The following SPG7 variants were observed in gnomAD, a reference collection of about 807,000 sequenced individuals.
The protein encoded by SPG7 is SPG7 matrix AAA peptidase subunit, paraplegin.
In SPG7, 103 loss-of-function variants were observed where a neutral mutation model predicts 81.9. That is an observed-to-expected ratio of 1.26 (90% CI 1.07 to 1.48). The LOEUF (loss-of-function observed/expected upper bound fraction) is 1.48, where lower values mean the gene tolerates loss of function less well. SPG7 is among the 40% of genes most tolerant of loss of function. The pLI, the probability that SPG7 is intolerant of heterozygous loss-of-function variation, is 0.00. For synonymous variants in SPG7, 534 were observed against 444.2 expected (o/e 1.20, Z -2.54); for missense variants, 1,241 against 1,087.3 (o/e 1.14, Z -1.99).
intron 10 of SPG7, chr16:89,545,222 G>A (rs887259098): frequency 3.9e-5 from 12 of 308,836 alleles, no homozygotes; most frequent in Non-Finnish European, 7.6e-5. Flanking sequence ...CCCTGAAATT[G>A]GGGTGGGAGT....
chr16:89,529,208 G>A (rs1163724567), intron 5 of SPG7: 1 of 524,758 alleles, frequency 1.9e-6, no homozygotes, highest in African/African-American at 1.9e-5. Flanking sequence ...AGAAAAACCT[G>A]AACGTTGTTA....
chr16:89,546,808 G>A, intron 11 of SPG7, 48 bp downstream of exon 11: 1 of 1,313,182 alleles, frequency 7.6e-7, no homozygotes, highest in Non-Finnish European at 1.1e-6. Flanking sequence ...CTGAGGGCAG[G>A]TGGTGTCACC....
At chr16:89,512,602 C>T (rs561170917) in intron 2 of SPG7, among the ~76,000 whole-genome samples, 126 of 152,360 alleles carry the variant, frequency 8.3e-4, no homozygotes, top group African/African-American at 3.0e-3. Flanking sequence ...TGAGCCACCA[C>T]GCCTGGCGTG....
At chr16:89,554,055 G>A (rs560186519) in intron 15 of SPG7, 95 bp downstream of exon 15, 39 of 1,370,386 alleles carry the variant, frequency 2.8e-5, no homozygotes, top group Non-Finnish European at 3.7e-5. Context: ...CCGCCCCAGC[G>A]GAGCTCAGCT....
At chr16:89,526,069 C>T (rs1448422338) in intron 4 of SPG7, among the ~76,000 whole-genome samples, 1 of 152,164 alleles carries the variant, frequency 6.6e-6, no homozygotes, top group Non-Finnish European at 1.5e-5. Context: ...ATATTTTCAG[C>T]TTCCCAGGGG....
rs1349833142 is a variant in SPG7, at chr16:89,530,767, G to A, written c.946G>A (p.Glu316Lys). ...CTTCAAAGACGTGGCAGGAATGCAC[G>A]AAGCCAAACTGGAAGTCCGCGAGTT... ...VSFKDVAGMHEAKLEVREFVD... is the reference protein window; with the variant it reads ...VSFKDVAGMHKAKLEVREFVD... Residue 316 changes from glutamate (E) to lysine (K), a missense_variant, in exon 7 of 17, where the codon GAA becomes AAA. Glu to Lys is a moderately conservative substitution (Grantham distance 56, BLOSUM62 1). Transcript: ENST00000645818. The A allele has an allele frequency of 5.0e-6, 8 of 1,614,076 alleles. No homozygotes were observed. Among genetic ancestry groups the A allele is most frequent in the African/African-American group, 1.3e-5 (1 of 74,926 alleles).
intron 10 of SPG7, chr16:89,545,095 A>G (rs183111994): frequency 2.0e-4 from 81 of 397,648 alleles, no homozygotes; most frequent in Admixed American, 1.3e-3. Context: ...TCTGGTTTTT[A>G]TAGCAAATCC....
At chr16:89,543,011 G>GCA (rs2058515838) in intron 9 of SPG7, 3 of 133,568 alleles carry the variant, frequency 2.2e-5, no homozygotes, top group Non-Finnish European at 4.6e-5. Context: ...GCAGTGGCGT[G>GCA]ATCTCGGCTC....
chr16:89,511,287 AAT>A (rs967214244), intron 2 of SPG7, among the ~76,000 whole-genome samples: 4 of 152,212 alleles, frequency 2.6e-5, no homozygotes, highest in African/African-American at 9.6e-5. Context: ...AATCACTAAA[AAT>A]ACCCTGCAAA....
chr16:89,550,377 T>C, intron 12 of SPG7, 117 bp from the exon 13 acceptor site: 1 of 764,924 alleles, frequency 1.3e-6, no homozygotes, highest in Non-Finnish European at 2.4e-6. Context: ...TTCACCATAT[T>C]GGTCGGGCTG....
intron 2 of SPG7, among the ~76,000 whole-genome samples, chr16:89,510,870 G>C (rs1054182752): frequency 6.6e-6 from 1 of 152,144 alleles, no homozygotes; most frequent in Non-Finnish European, 1.5e-5. Context: ...TTGTTGTCCA[G>C]GCCCAAAGGG....
chr16:89,510,529 A>G lies in SPG7; in HGVS notation c.223A>G (p.Ile75Val). The change falls in exon 2 of 17, where the codon ATC becomes GTC. Residue 75 changes from isoleucine (I) to valine (V), a missense_variant. Ile to Val is a conservative substitution (Grantham distance 29, BLOSUM62 3). Transcript: ENST00000645818. ...LRLLTPTFEG[I>V]NGLLLKQHLV... ...ACTGCTAACCCCTACCTTTGAAGGGATCAACGGATTGTTGTTGAAACAACA... is the reference window on the plus strand; with the variant it reads ...ACTGCTAACCCCTACCTTTGAAGGGGTCAACGGATTGTTGTTGAAACAACA... 1 of 1,607,412 alleles carries G rather than the reference A, an allele frequency of 6.2e-7. No individual in the cohort carries two copies. Among genetic ancestry groups the G allele is most frequent in the Non-Finnish European group, 8.5e-7 (1 of 1,177,294 alleles).
chr16:89,557,176 T>C lies in SPG7; in HGVS notation c.*83T>C. 1 of 991,760 alleles carries C rather than the reference T, an allele frequency of 1.0e-6. No individual in the cohort carries two copies. Among genetic ancestry groups the C allele is most frequent in the Non-Finnish European group, 1.6e-6 (1 of 636,982 alleles). 61.4% of individuals were successfully genotyped at this position (991,760 alleles called of 1,614,324 possible). A position where few individuals can be genotyped will look rare whatever the true frequency, so the allele number is the denominator to read the frequency against. ...CCCTGAGTTGCTTTTCAGCTGAGGT[T>C]TGCACTTCCTCTCGCGGCCCTCAGT... On this transcript the variant is annotated 3_prime_UTR_variant, in exon 17 of 17. Coordinates refer to ENST00000645818, the MANE Select transcript of SPG7 (RefSeq NM_003119.4).
At chr16:89,522,850 CT>C in intron 3 of SPG7, 1 of 152,726 alleles carries the variant, frequency 6.5e-6, no homozygotes, top group Non-Finnish European at 1.5e-5. Context: ...CCTGGCTGTC[CT>C]TTTCCCCACC....
Position 89,544,791 on chromosome 16 carries a change from G to T in SPG7, c.1449+19G>T. 1 of 1,613,626 alleles carries T rather than the reference G, an allele frequency of 6.2e-7. No individual in the cohort carries two copies. On this transcript the variant is annotated intron_variant, in intron 10 of 16. Transcript: ENST00000645818. ...GCTGCAGGTCAGAGCCAGGATCCCA[G>T]CCTCTCCCACTCCACCTGGGCCGCC... is the stretch of plus-strand genomic sequence containing the variant.
intron 2 of SPG7, among the ~76,000 whole-genome samples, chr16:89,512,015 C>G (rs554554943): frequency 1.5e-4 from 23 of 151,448 alleles, no homozygotes; most frequent in Non-Finnish European, 2.7e-4. Context: ...GGATTCCCGC[C>G]ATTCTCCTGC....
intron 9 of SPG7, chr16:89,536,747 G>T: frequency 6.2e-7 from 1 of 1,613,446 alleles, no homozygotes; most frequent in South Asian, 1.1e-5. Flanking sequence ...TGAGTCTGCG[G>T]CCTTCTTCTC....
intron 12 of SPG7, 67 bp from the exon 13 acceptor site, chr16:89,550,427 C>G: frequency 8.9e-7 from 1 of 1,127,538 alleles, no homozygotes; most frequent in Non-Finnish European, 1.3e-6. Context: ...CCCGCCTTGG[C>G]CTCCCACAGC....
chr16:89,525,839 C>T (rs1459420845), intron 4 of SPG7, among the ~76,000 whole-genome samples: 2 of 152,128 alleles, frequency 1.3e-5, no homozygotes, highest in Non-Finnish European at 2.9e-5. Flanking sequence ...GCTGCAGCCT[C>T]GCCGGCCTCT....
Sources: gnomAD v4.1 joint callset for allele counts (sites outside exome capture counted in the v4.1 genomes callset) on GRCh38, gnomAD v4.1.1 for gene constraint, MANE v1.5 for transcripts, NCBI Gene and HGNC (gene_info 2026-07-23, HGNC 2026-07-21) for gene names.